ZNF804B: variants seen among roughly 807,000 people sequenced by gnomAD.
ZNF804B encodes zinc finger 804B.
In ZNF804B, 80 loss-of-function variants were observed where a neutral mutation model predicts 101.4. The ratio of observed to expected loss-of-function variants is 0.79; its 90% CI spans 0.66 to 0.95. The LOEUF is 0.95. Ranked by LOEUF, ZNF804B falls within the 40% of genes least tolerant of loss-of-function variation. The probability of loss-of-function intolerance (pLI) is 0.00; values close to 1 mark genes in which losing one functional copy is unlikely to be tolerated. For missense variants in ZNF804B, 1,673 were observed against 1,561.9 expected (o/e 1.07, Z -1.20); for synonymous variants, 622 against 558.8 (o/e 1.11, Z -1.59).
At chr7:88,760,791 A>G (rs910776607) in intron 1 of ZNF804B, among the ~76,000 whole-genome samples, 2 of 150,666 alleles carry the variant, frequency 1.3e-5, no homozygotes, top group Non-Finnish European at 3.0e-5. Flanking sequence ...AGTTAAATAC[A>G]TTATTAATTC....
intron 1 of ZNF804B, among the ~76,000 whole-genome samples, chr7:89,025,931 A>G (rs1049407128): frequency 1.3e-5 from 2 of 152,132 alleles, no homozygotes; most frequent in East Asian, 1.9e-4. Flanking sequence ...AAAGTTTCCT[A>G]TAATCTACAA....
At chr7:89,312,041 T>A (rs1012463756) in intron 2 of ZNF804B, among the ~76,000 whole-genome samples, 1 of 152,152 alleles carries the variant, frequency 6.6e-6, no homozygotes, top group African/African-American at 2.4e-5. Context: ...CATTTAAGAA[T>A]TTCTCAGATG....
At chr7:88,968,846 C>A (rs1236580646) in intron 1 of ZNF804B, among the ~76,000 whole-genome samples, 1 of 151,580 alleles carries the variant, frequency 6.6e-6, no homozygotes, top group Non-Finnish European at 1.5e-5. Flanking sequence ...ATCCATATTA[C>A]ATAGGTTAGA....
intron 1 of ZNF804B, among the ~76,000 whole-genome samples, chr7:88,997,118 G>T (rs555755912): frequency 6.6e-6 from 1 of 152,170 alleles, no homozygotes; most frequent in South Asian, 2.1e-4. Context: ...GTGAATTAGG[G>T]ACACTGTTCC....
rs56693128 is a variant in ZNF804B at position 89,103,048 on chromosome 7, GTTTTTTTTTTTTTTTTTTTTT to G, written c.109-115092_109-115072del. 1.2e-4 allele frequency among the ~76,000 whole-genome samples: 4 copies of G among 33,750 alleles called. No individual in the cohort carries two copies. In the Admixed American group the frequency reaches 2.2e-3, roughly 18 times the overall value. The allele number at this position is 33,750 out of a possible 152,430, so 22.1% of individuals were successfully genotyped here. ...TTCTATTCCATTGACCTATGTGTCT[GTTTTTTTTTTTTTTTTTTTTT>G]TTTTTTTTTTTTTTACCAATACTGT... On this transcript the variant is annotated intron_variant, in intron 1 of 3. Coordinates refer to ENST00000333190, the MANE Select transcript of ZNF804B (RefSeq NM_181646.5).
intron 1 of ZNF804B, among the ~76,000 whole-genome samples, chr7:88,885,050 G>A (rs1792103617): frequency 6.6e-6 from 1 of 151,782 alleles, no homozygotes; most frequent in Admixed American, 6.6e-5. Context: ...TGCAAAAGAG[G>A]AAGCATTTCA....
At chr7:89,037,561 G>A (rs1251040873) in intron 1 of ZNF804B, among the ~76,000 whole-genome samples, 3 of 148,246 alleles carry the variant, frequency 2.0e-5, no homozygotes, top group African/African-American at 7.8e-5. Flanking sequence ...ACAATGTAAT[G>A]CATGGATATA....
chr7:89,212,038 C>A (rs187239573), intron 1 of ZNF804B, among the ~76,000 whole-genome samples: 121 of 151,968 alleles, frequency 8.0e-4, no homozygotes, highest in African/African-American at 2.8e-3. Flanking sequence ...GGTTTGTAGT[C>A]CTCCTTGAAG....
chr7:89,034,703 A>G (rs921055994), intron 1 of ZNF804B, among the ~76,000 whole-genome samples: 5 of 152,284 alleles, frequency 3.3e-5, no homozygotes, highest in East Asian at 1.9e-4. Flanking sequence ...TAGTGCTGCA[A>G]TATACATACA....
At chr7:88,955,048 C>T (rs1793283374) in intron 1 of ZNF804B, among the ~76,000 whole-genome samples, 1 of 149,508 alleles carries the variant, frequency 6.7e-6, no homozygotes, top group South Asian at 2.1e-4. Context: ...ATCTCTTGAG[C>T]TCAGGAGTTT....
intron 1 of ZNF804B, among the ~76,000 whole-genome samples, chr7:89,194,452 C>A (rs1468081246): frequency 6.6e-6 from 1 of 151,098 alleles, no homozygotes; most frequent in African/African-American, 2.4e-5. Flanking sequence ...TTAGATCTAA[C>A]ATTTAAGTCT....
At chr7:89,224,712 A>ATG (rs56064065) in intron 2 of ZNF804B, among the ~76,000 whole-genome samples, 16,840 of 143,968 alleles carry the variant, frequency 0.12, 998 homozygotes, top group Non-Finnish European at 0.15. Flanking sequence ...CTGGCAAAGT[A>ATG]TGTGTGTGTG....
At chr7:89,312,711 C>T (rs1790663491) in intron 2 of ZNF804B, among the ~76,000 whole-genome samples, 1 of 151,874 alleles carries the variant, frequency 6.6e-6, no homozygotes, top group Non-Finnish European at 1.5e-5. Flanking sequence ...TAATGGCATG[C>T]AGCTGGGTGC....
intron 2 of ZNF804B, among the ~76,000 whole-genome samples, chr7:89,227,338 G>A (rs1339090944): frequency 3.9e-5 from 6 of 152,074 alleles, no homozygotes; most frequent in Admixed American, 1.3e-4. Flanking sequence ...TTCCTTTCAG[G>A]AAACCTTTAA....
At chr7:89,035,658 A>T (rs1285573909) in intron 1 of ZNF804B, among the ~76,000 whole-genome samples, 1 of 151,830 alleles carries the variant, frequency 6.6e-6, no homozygotes, top group Non-Finnish European at 1.5e-5. Context: ...ACAATCAATT[A>T]GAATTTCAGA....
chr7:89,082,516 T>G (rs1317287188), intron 1 of ZNF804B, among the ~76,000 whole-genome samples: 1 of 151,718 alleles, frequency 6.6e-6, no homozygotes, highest in Non-Finnish European at 1.5e-5. Flanking sequence ...TAAATTACAC[T>G]AAGGAGTAGA....
At chr7:88,882,037 A>T (rs1792050634) in intron 1 of ZNF804B, among the ~76,000 whole-genome samples, 1 of 152,174 alleles carries the variant, frequency 6.6e-6, no homozygotes, top group Admixed American at 6.5e-5. Flanking sequence ...TGTAACTCTG[A>T]GTCTGTTCTC....
intron 1 of ZNF804B, among the ~76,000 whole-genome samples, chr7:88,894,105 A>G (rs1471974581): frequency 6.6e-6 from 1 of 152,194 alleles, no homozygotes; most frequent in East Asian, 1.9e-4. Context: ...TTATCAAAGT[A>G]TGGATAAAAC....
At chr7:88,847,784 T>G (rs10231232) in intron 1 of ZNF804B, among the ~76,000 whole-genome samples, 4,271 of 152,256 alleles carry the variant, frequency 0.028, 159 homozygotes, top group African/African-American at 0.08. Flanking sequence ...TATGCTTCCT[T>G]AAGTAGTGAC....
Sources: gnomAD v4.1 joint callset for allele counts (sites outside exome capture counted in the v4.1 genomes callset) on GRCh38, gnomAD v4.1.1 for gene constraint, MANE v1.5 for transcripts, NCBI Gene and HGNC (gene_info 2026-07-23, HGNC 2026-07-21) for gene names.